Variants in MARCHF1 observed in about 807,000 individuals in gnomAD.
The protein encoded by MARCHF1 is membrane associated ring-CH-type finger 1.
MARCHF1 carries 40 observed loss-of-function variants against 54.2 expected under a neutral mutation model. That is an observed-to-expected ratio of 0.74 (90% CI 0.57 to 0.96). MARCHF1 has a LOEUF of 0.96. Ranked by LOEUF, MARCHF1 falls within the 40% of genes least tolerant of loss-of-function variation. The probability of loss-of-function intolerance (pLI) is 0.00; values close to 1 mark genes in which losing one functional copy is unlikely to be tolerated. For synonymous variants in MARCHF1, 236 were observed against 236.3 expected, an observed-to-expected ratio of 1.00 and a Z score of 0.01; for missense variants, 586 against 656.5, an observed-to-expected ratio of 0.89 and a Z score of 1.17.
chr4:163,587,107 C>T (rs1185879997), intron 7 of MARCHF1, among the ~76,000 whole-genome samples: 1 of 152,192 alleles, frequency 6.6e-6, no homozygotes, highest in East Asian at 1.9e-4. Flanking sequence ...ATTCTAGTTT[C>T]ACAGATTTAT....
At chr4:164,223,547 T>C (rs554469625) in intron 1 of MARCHF1, among the ~76,000 whole-genome samples, 1 of 152,160 alleles carries the variant, frequency 6.6e-6, no homozygotes, top group Non-Finnish European at 1.5e-5. Flanking sequence ...TCCAGTGTTT[T>C]AGTCAGAAGA....
At chr4:163,568,045 A>G (rs1019090322) in intron 8 of MARCHF1, among the ~76,000 whole-genome samples, 1 of 152,068 alleles carries the variant, frequency 6.6e-6, no homozygotes, top group African/African-American at 2.4e-5. Context: ...TTGACGGCTC[A>G]TTAATATTAC....
At chr4:163,949,723 G>A (rs1037839056) in intron 3 of MARCHF1, among the ~76,000 whole-genome samples, 7 of 151,830 alleles carry the variant, frequency 4.6e-5, no homozygotes, top group African/African-American at 1.7e-4. Context: ...CCCACAGTGG[G>A]TAGCTCCTCT....
intron 1 of MARCHF1, among the ~76,000 whole-genome samples, chr4:164,277,580 C>T (rs1379092308): frequency 6.6e-6 from 1 of 152,234 alleles, no homozygotes; most frequent in African/African-American, 2.4e-5. Flanking sequence ...CGTCTTTCCA[C>T]TTTTGCCAAC....
chr4:164,275,302 T>C (rs1326434502), intron 1 of MARCHF1, among the ~76,000 whole-genome samples: 1 of 152,174 alleles, frequency 6.6e-6, no homozygotes, highest in African/African-American at 2.4e-5. Flanking sequence ...TCTGCGGCCA[T>C]TGTGCTGCTG....
At chr4:163,688,196 T>G (rs1361010405) in intron 5 of MARCHF1, among the ~76,000 whole-genome samples, 3 of 151,564 alleles carry the variant, frequency 2.0e-5, no homozygotes, top group East Asian at 1.9e-4. Flanking sequence ...AGGACTCAAT[T>G]GTAACAAAAA....
chr4:164,363,610 G>A (rs905211644), intron 1 of MARCHF1, among the ~76,000 whole-genome samples: 2 of 152,048 alleles, frequency 1.3e-5, no homozygotes, highest in Non-Finnish European at 2.9e-5. Context: ...TTTTTGGGGG[G>A]AAAAAGGACA....
At chr4:164,033,338 GCAATAC>G (rs1382059088) in intron 2 of MARCHF1, among the ~76,000 whole-genome samples, 1 of 152,022 alleles carries the variant, frequency 6.6e-6, no homozygotes, top group Non-Finnish European at 1.5e-5. Flanking sequence ...GAAAACTGAG[GCAATAC>G]CATTCAAGAC....
chr4:163,808,310 C>T (rs946482776), intron 4 of MARCHF1, among the ~76,000 whole-genome samples: 4 of 152,170 alleles, frequency 2.6e-5, no homozygotes, highest in African/African-American at 4.8e-5. Flanking sequence ...GATTCAAGTA[C>T]ACAACTGGCA....
intron 4 of MARCHF1, among the ~76,000 whole-genome samples, chr4:163,760,949 C>T (rs142033932): frequency 4.6e-5 from 7 of 152,212 alleles, no homozygotes; most frequent in Admixed American, 1.3e-4. Context: ...TGTAACATCA[C>T]GATTAGTCCA....
chr4:164,054,577 G>A lies in MARCHF1; in HGVS notation c.-248+57011C>T, dbSNP rs541516026. On this transcript the variant is annotated intron_variant, in intron 2 of 9. Coordinates refer to ENST00000514618, the MANE Select transcript of MARCHF1 (RefSeq NM_001394959.1). ...TAAGAAAATGTGGCACATATACACC[G>A]TGGAATACTATGCAGCCAGCCATAA... 2.2e-3 allele frequency among the ~76,000 whole-genome samples: 337 copies of A among 151,954 alleles called. 3 individuals are homozygous for A. Among genetic ancestry groups the A allele is most frequent in the Middle Eastern group, 3.4e-3 (1 of 294 alleles).
intron 1 of MARCHF1, among the ~76,000 whole-genome samples, chr4:164,342,015 T>TAA (rs763000236): frequency 1.2e-4 from 18 of 151,910 alleles, no homozygotes; most frequent in South Asian, 8.3e-4. Context: ...ACCAAGGAGG[T>TAA]AAAAGATTTG....
intron 8 of MARCHF1, among the ~76,000 whole-genome samples, chr4:163,548,163 A>G (rs1045403110): frequency 6.6e-6 from 1 of 152,124 alleles, no homozygotes; most frequent in African/African-American, 2.4e-5. Context: ...ATAATCATAG[A>G]ATATTATTAT....
intron 5 of MARCHF1, among the ~76,000 whole-genome samples, chr4:163,679,425 C>T (rs187237164): frequency 2.6e-5 from 4 of 152,222 alleles, no homozygotes; most frequent in African/African-American, 7.2e-5. Flanking sequence ...ATCTTCATCC[C>T]GGTAATAAAG....
At chr4:164,001,055 A>G (rs1753176849) in intron 2 of MARCHF1, among the ~76,000 whole-genome samples, 1 of 151,820 alleles carries the variant, frequency 6.6e-6, no homozygotes, top group African/African-American at 2.4e-5. Flanking sequence ...TATTAAAATT[A>G]TTATATAAAG....
At chr4:163,842,721 T>G (rs1230613490) in intron 4 of MARCHF1, among the ~76,000 whole-genome samples, 1 of 152,168 alleles carries the variant, frequency 6.6e-6, no homozygotes, top group Non-Finnish European at 1.5e-5. Context: ...ATCATGTTAT[T>G]TTTCTACCCT....
chr4:164,157,272 G>C (rs1730103377), intron 1 of MARCHF1, among the ~76,000 whole-genome samples: 1 of 151,854 alleles, frequency 6.6e-6, no homozygotes, highest in South Asian at 2.1e-4. Context: ...ACATTGGAAA[G>C]TATAGTTCTT....
At chr4:164,033,788 G>A (rs557848480) in intron 2 of MARCHF1, among the ~76,000 whole-genome samples, 15 of 152,280 alleles carry the variant, frequency 9.9e-5, no homozygotes, top group Admixed American at 7.8e-4. Flanking sequence ...TGCTGGTGAG[G>A]CTGTGGAGAA....
chr4:163,939,164 C>A (rs944042355), intron 3 of MARCHF1, among the ~76,000 whole-genome samples: 1 of 152,124 alleles, frequency 6.6e-6, no homozygotes, highest in African/African-American at 2.4e-5. Context: ...ATAAATAGAA[C>A]TCTCAGTCTT....
Sources: gnomAD v4.1 joint callset for allele counts (sites outside exome capture counted in the v4.1 genomes callset) on GRCh38, gnomAD v4.1.1 for gene constraint, MANE v1.5 for transcripts, NCBI Gene and HGNC (gene_info 2026-07-23, HGNC 2026-07-21) for gene names.